FARS2: variants seen among roughly 807,000 people sequenced by gnomAD.
FARS2 encodes phenylalanyl-tRNA synthetase 2, mitochondrial, also known as phenylalanine--tRNA ligase, mitochondrial.
In FARS2, 40 loss-of-function variants were observed where a neutral mutation model predicts 46.4. That is an observed-to-expected ratio of 0.86 (90% CI 0.67 to 1.12). The LOEUF (loss-of-function observed/expected upper bound fraction) is 1.12, where lower values mean the gene tolerates loss of function less well. Among genes scored for constraint, FARS2 ranks in the 50% most tolerant of loss-of-function variants. The pLI is 0.00. For missense variants in FARS2, 513 were observed against 567.9 expected (o/e 0.90, Z 0.98); for synonymous variants, 234 against 214.9 (o/e 1.09, Z -0.78).
intron 1 of FARS2, among the ~76,000 whole-genome samples, chr6:5,299,822 A>G (rs1051794105): frequency 1.3e-5 from 2 of 151,996 alleles, no homozygotes; most frequent in Non-Finnish European, 2.9e-5. Flanking sequence ...GCTGAGAATG[A>G]TGGTTTCCAG....
chr6:5,541,697 G>A (rs540299844), intron 4 of FARS2, among the ~76,000 whole-genome samples: 1 of 152,122 alleles, frequency 6.6e-6, no homozygotes, highest in Admixed American at 6.6e-5. Context: ...CTTGGATCTC[G>A]TGTGAAAAAG....
At position 5,285,508 on chromosome 6, in the gene FARS2, C is replaced by T. The variant is rs375337986; in HGVS notation, c.-22+23848C>T. ...AGCTACTTTTGAGAGACTCGTAAAG[C>T]GTGTAGGAGGACACGGAGGACCATG... On this transcript the variant is annotated intron_variant, in intron 1 of 6. Transcript: ENST00000274680. Among the ~76,000 whole-genome samples the T allele has an allele frequency of 9.2e-5, 14 of 152,248 alleles. No homozygotes were observed. In the South Asian group the frequency reaches 1.5e-3, roughly 16 times the overall value.
intron 6 of FARS2, among the ~76,000 whole-genome samples, chr6:5,767,719 G>A (rs575614309): frequency 6.6e-6 from 1 of 152,312 alleles, no homozygotes; most frequent in Admixed American, 6.5e-5. Context: ...CTTAAAAGAG[G>A]TGGTGTATGT....
intron 6 of FARS2, among the ~76,000 whole-genome samples, chr6:5,634,135 T>C (rs1776427761): frequency 6.6e-6 from 1 of 152,190 alleles, no homozygotes; most frequent in Non-Finnish European, 1.5e-5. Context: ...TATTAAACAT[T>C]TTTTTCTAGT....
intron 1 of FARS2, among the ~76,000 whole-genome samples, chr6:5,291,622 A>C (rs998880149): frequency 1.3e-5 from 2 of 152,240 alleles, no homozygotes; most frequent in African/African-American, 4.8e-5. Flanking sequence ...AATATTGAAT[A>C]GCTGAGTGTG....
chr6:5,567,836 G>A (rs1582466872), intron 5 of FARS2, among the ~76,000 whole-genome samples: 1 of 152,186 alleles, frequency 6.6e-6, no homozygotes, highest in Non-Finnish European at 1.5e-5. Flanking sequence ...TTTCCCCTGG[G>A]TCACTCACCT....
chr6:5,626,812 C>T (rs562677838), intron 6 of FARS2, among the ~76,000 whole-genome samples: 28 of 152,304 alleles, frequency 1.8e-4, no homozygotes, highest in African/African-American at 6.5e-4. Flanking sequence ...CTGAGAAATT[C>T]GTCATTAGAT....
chr6:5,359,307 C>G (rs1758153465), intron 1 of FARS2, among the ~76,000 whole-genome samples: 2 of 152,110 alleles, frequency 1.3e-5, no homozygotes, highest in African/African-American at 4.8e-5. Flanking sequence ...TCCCAAAGTG[C>G]TGGCATTACA....
intron 1 of FARS2, among the ~76,000 whole-genome samples, chr6:5,283,546 T>G (rs907092096): frequency 1.3e-5 from 1 of 76,980 alleles, no homozygotes; most frequent in Non-Finnish European, 2.3e-5. Context: ...GAGACTTTGT[T>G]TCAAAAAAAA....
chr6:5,729,052 G>A (rs891379094), intron 6 of FARS2, among the ~76,000 whole-genome samples: 3 of 152,154 alleles, frequency 2.0e-5, no homozygotes, highest in Admixed American at 6.5e-5. Flanking sequence ...GATGGCTTTC[G>A]GCATCTGCAG....
At position 5,700,821 on chromosome 6, in the gene FARS2, C is replaced by T. The variant is rs1442521038; in HGVS notation, c.1218-70470C>T. On this transcript the variant is annotated intron_variant, in intron 6 of 6. Coordinates refer to ENST00000274680, the MANE Select transcript of FARS2 (RefSeq NM_006567.5). Reference sequence around the variant, plus strand: ...TTTCCTAATGGAATGAGGTTGCACACGTGGGCCGCGCTCTGCTGCACACCA... The same window carrying T: ...TTTCCTAATGGAATGAGGTTGCACATGTGGGCCGCGCTCTGCTGCACACCA... Among the ~76,000 whole-genome samples the T allele has an allele frequency of 2.0e-5, 3 of 152,210 alleles. No individual in the cohort carries two copies. The South Asian group carries it at 6.2e-4, about 32-fold the overall frequency.
At chr6:5,620,027 G>C (rs1775683135) in intron 6 of FARS2, among the ~76,000 whole-genome samples, 2 of 152,082 alleles carry the variant, frequency 1.3e-5, no homozygotes, top group Non-Finnish European at 2.9e-5. Context: ...CCCTTACATA[G>C]AGAAGTTGGT....
At position 5,771,205 on chromosome 6, in the gene FARS2, G is replaced by A. The variant is rs1220140259; in HGVS notation, c.1218-86G>A. ...ACCTCAGTTCTCCACTGCAGTTGGG[G>A]AGATCTGGCCAGGGCAAGCCACACT... On this transcript the variant is annotated intron_variant, in intron 6 of 6. Coordinates refer to ENST00000274680, the MANE Select transcript of FARS2 (RefSeq NM_006567.5). The A allele has an allele frequency of 2.7e-6, 4 of 1,501,134 alleles. No individual in the cohort carries two copies. In the East Asian group the frequency reaches 6.9e-5, roughly 26 times the overall value. 93.0% of individuals were successfully genotyped at this position (1,501,134 alleles called of 1,614,324 possible). A position where few individuals can be genotyped will look rare whatever the true frequency, so the allele number is the denominator to read the frequency against.
chr6:5,603,675 G>A (rs551069853), intron 5 of FARS2, among the ~76,000 whole-genome samples: 1 of 152,278 alleles, frequency 6.6e-6, no homozygotes, highest in East Asian at 1.9e-4. Context: ...TGCTCCCTGT[G>A]TGCATGCCTG....
At chr6:5,675,900 A>G (rs1349154515) in intron 6 of FARS2, among the ~76,000 whole-genome samples, 1 of 152,180 alleles carries the variant, frequency 6.6e-6, no homozygotes, top group East Asian at 1.9e-4. Flanking sequence ...TTTCCTACAT[A>G]TTGAACAACG....
intron 4 of FARS2, among the ~76,000 whole-genome samples, chr6:5,512,044 A>T (rs900544788): frequency 3.3e-5 from 5 of 152,228 alleles, no homozygotes; most frequent in African/African-American, 1.2e-4. Context: ...TAATCAGAAT[A>T]TGCTTTATTT....
chr6:5,668,379 G>C (rs1778253218), intron 6 of FARS2, among the ~76,000 whole-genome samples: 1 of 152,224 alleles, frequency 6.6e-6, no homozygotes, highest in African/African-American at 2.4e-5. Flanking sequence ...GCTCGGGAAT[G>C]ACTATTGGAC....
At chr6:5,432,357 A>ATT (rs1763249489) in intron 4 of FARS2, among the ~76,000 whole-genome samples, 1 of 110,180 alleles carries the variant, frequency 9.1e-6, no homozygotes, top group Non-Finnish European at 1.8e-5. Context: ...TATATTATAT[A>ATT]TATATAATAT....
rs535655940 is a variant in FARS2, at chr6:5,342,913, T to C, written c.-21-25637T>C. On this transcript the variant is annotated intron_variant, in intron 1 of 6. Coordinates refer to ENST00000274680, the MANE Select transcript of FARS2 (RefSeq NM_006567.5). ...CAGTAAAATATGAAATGAAAATTAT[T>C]ATCAGAATATCCTGGGAACTCAAAT... is the stretch of plus-strand genomic sequence containing the variant. 2.0e-5 allele frequency among the ~76,000 whole-genome samples: 3 copies of C among 152,240 alleles called. 1 individual carries two copies. The East Asian group carries it at 5.8e-4, about 29-fold the overall frequency.
Sources: gnomAD v4.1 joint callset for allele counts (sites outside exome capture counted in the v4.1 genomes callset) on GRCh38, gnomAD v4.1.1 for gene constraint, MANE v1.5 for transcripts, NCBI Gene and HGNC (gene_info 2026-07-23, HGNC 2026-07-21) for gene names.